Variants in ATP8A1 observed in about 807,000 individuals in gnomAD.
The protein encoded by ATP8A1 is phospholipid-transporting ATPase IA.
ATP8A1 carries 90 observed loss-of-function variants against 177.7 expected under a neutral mutation model. The ratio of observed to expected loss-of-function variants is 0.51; its 90% CI spans 0.43 to 0.60. The LOEUF (loss-of-function observed/expected upper bound fraction) is 0.60, where lower values mean the gene tolerates loss of function less well. Among genes scored for constraint, ATP8A1 ranks in the 20% least tolerant of loss-of-function variants. ATP8A1 has a pLI of 0.00. For missense variants in ATP8A1, 1,072 were observed against 1,392.8 expected (o/e 0.77, Z 3.67); for synonymous variants, 493 against 485.9 (o/e 1.01, Z -0.19).
intron 5 of ATP8A1, among the ~76,000 whole-genome samples, chr4:42,601,494 ATGT>A (rs1735270414): frequency 6.6e-6 from 1 of 151,452 alleles, no homozygotes; most frequent in African/African-American, 2.4e-5. Context: ...TTTTCCTGTG[ATGT>A]TGTCTGTGCT....
intron 33 of ATP8A1, among the ~76,000 whole-genome samples, chr4:42,428,974 TA>T (rs1714944330): frequency 6.6e-6 from 1 of 152,180 alleles, no homozygotes; most frequent in Non-Finnish European, 1.5e-5. Flanking sequence ...CTTGTTAGAC[TA>T]TATACTCTCT....
At chr4:42,425,774 G>A (rs960242182) in intron 33 of ATP8A1, among the ~76,000 whole-genome samples, 1 of 152,284 alleles carries the variant, frequency 6.6e-6, no homozygotes, top group East Asian at 1.9e-4. Context: ...GGTTCCCTCC[G>A]AGAGCGGTTT....
At chr4:42,546,851 T>A (rs939156809) in intron 19 of ATP8A1, among the ~76,000 whole-genome samples, 17 of 152,232 alleles carry the variant, frequency 1.1e-4, no homozygotes, top group African/African-American at 3.6e-4. Context: ...CTCTGTGCTA[T>A]GACCCTCTCT....
intron 5 of ATP8A1, among the ~76,000 whole-genome samples, chr4:42,612,434 C>T (rs1736461442): frequency 6.9e-6 from 1 of 144,604 alleles, no homozygotes; most frequent in Admixed American, 7.1e-5. Flanking sequence ...TATGCACAAA[C>T]CATCACACAA....
Position 42,412,977 on chromosome 4 carries a change from A to G in ATP8A1, c.3434T>C (p.Val1145Ala). ...YAFSQDENGI[V>A]SQSEVIRAYD... ...TGCTCTTATCACTTCAGACTGTGAAACGATTCCATTTTCATCTTGAGAGAA... is the reference window on the plus strand; with the variant it reads ...TGCTCTTATCACTTCAGACTGTGAAGCGATTCCATTTTCATCTTGAGAGAA... The change falls in exon 37 of 37, where the codon GTT (valine) becomes GCT (alanine). Residue 1145 changes from valine (V) to alanine (A), a missense_variant. Transcript: ENST00000381668. 1 of 1,613,524 alleles carries G rather than the reference A, an allele frequency of 6.2e-7. No individual in the cohort carries two copies. The highest frequency in any genetic ancestry group is 8.5e-7 in the Non-Finnish European group (1 of 1,179,628).
chr4:42,497,756 G>C (rs923576341), intron 24 of ATP8A1, among the ~76,000 whole-genome samples: 4 of 152,162 alleles, frequency 2.6e-5, no homozygotes, highest in African/African-American at 7.2e-5. Flanking sequence ...CCAGGAAAAG[G>C]AGAACAGATT....
Position 42,649,706 on chromosome 4 carries a change from C to T in ATP8A1, c.49+7119G>A, listed in dbSNP as rs908425983. ...ACTCTAGGTGTAGAGGGTACAGCAG[C>T]GAACAAATCTCACAAAAACGCTCCT... On this transcript the variant is annotated intron_variant, in intron 1 of 36. Coordinates refer to ENST00000381668, the MANE Select transcript of ATP8A1 (RefSeq NM_006095.2). Among the ~76,000 whole-genome samples, 22 of 152,050 alleles carry T rather than the reference C, an allele frequency of 1.4e-4. No individual in the cohort carries two copies. The East Asian group carries it at 1.9e-3, about 13-fold the overall frequency.
intron 20 of ATP8A1, among the ~76,000 whole-genome samples, chr4:42,530,470 A>G (rs1314749457): frequency 6.6e-6 from 1 of 152,250 alleles, no homozygotes; most frequent in Non-Finnish European, 1.5e-5. Flanking sequence ...TCTTCCACAC[A>G]GTACTGCCTC....
At chr4:42,618,388 T>G (rs776900010) in intron 4 of ATP8A1, among the ~76,000 whole-genome samples, 2 of 152,220 alleles carry the variant, frequency 1.3e-5, no homozygotes, top group Non-Finnish European at 2.9e-5. Flanking sequence ...CAGTCAAAAC[T>G]CTCATCTGAG....
At chr4:42,552,807 C>T (rs41265691) in intron 16 of ATP8A1, among the ~76,000 whole-genome samples, 197 bp from the exon 17 acceptor site, 10,176 of 152,206 alleles carry the variant, frequency 0.067, 468 homozygotes, top group African/African-American at 0.13. Flanking sequence ...GGTGAAACCC[C>T]GTCTCTACTG....
intron 8 of ATP8A1, 98 bp downstream of exon 8, chr4:42,588,162 A>G: frequency 1.0e-6 from 1 of 966,382 alleles, no homozygotes; most frequent in Non-Finnish European, 1.6e-6. Flanking sequence ...TATTTGCAAT[A>G]GGACAGATTA....
At position 42,450,783 on chromosome 4, in the gene ATP8A1, T is replaced by C. The variant is rs1717854771; in HGVS notation, c.2896+1198A>G. ...ACAAGCTACGCACTGTTCTAAGCAC[T>C]GTGAATGCAACGAAACTACTAATTA... On this transcript the variant is annotated intron_variant, in intron 30 of 36. Transcript: ENST00000381668. Among the ~76,000 whole-genome samples, 3 of 152,250 alleles carry C rather than the reference T, an allele frequency of 2.0e-5. No homozygotes were observed. In the East Asian group the frequency reaches 5.8e-4, roughly 29 times the overall value.
chr4:42,423,375 A>G (rs896500736), intron 34 of ATP8A1, among the ~76,000 whole-genome samples: 1 of 152,164 alleles, frequency 6.6e-6, no homozygotes, highest in African/African-American at 2.4e-5. Flanking sequence ...ATACTCCCCG[A>G]TGTAATTTTC....
At chr4:42,619,297 G>A (rs1737223134) in intron 4 of ATP8A1, among the ~76,000 whole-genome samples, 1 of 152,068 alleles carries the variant, frequency 6.6e-6, no homozygotes, top group Non-Finnish European at 1.5e-5. Flanking sequence ...TATAACGAAT[G>A]GAGTCTCCTA....
rs138846131 is a variant in ATP8A1 at position 42,602,903 on chromosome 4, T to C, written c.410-2385A>G. Among the ~76,000 whole-genome samples, 375 of 152,226 alleles carry C rather than the reference T, an allele frequency of 2.5e-3. 1 individual carries two copies. Among genetic ancestry groups the C allele is most frequent in the African/African-American group, 8.6e-3 (357 of 41,564 alleles). On this transcript the variant is annotated intron_variant, in intron 5 of 36. Transcript: ENST00000381668. The stretch of plus-strand genomic sequence containing the variant: ...GAGAGATGGTAAAGTCCTGTTCAAA[T>C]CAACTACACCCAAGATCAACTGACA...
intron 15 of ATP8A1, among the ~76,000 whole-genome samples, chr4:42,564,572 C>T (rs554765590): frequency 5.9e-5 from 9 of 152,290 alleles, no homozygotes; most frequent in Non-Finnish European, 1.2e-4. Context: ...GGGCCTGTAG[C>T]TCCTTTGTTT....
chr4:42,454,967 T>TCA (rs1027701588), intron 29 of ATP8A1, among the ~76,000 whole-genome samples: 13 of 152,298 alleles, frequency 8.5e-5, no homozygotes, highest in African/African-American at 3.1e-4. Context: ...AGTGAGCATG[T>TCA]CACCACAACA....
chr4:42,441,380 T>C (rs1318650718), intron 33 of ATP8A1, among the ~76,000 whole-genome samples: 1 of 152,086 alleles, frequency 6.6e-6, no homozygotes, highest in East Asian at 1.9e-4. Flanking sequence ...GGCTATATTC[T>C]TGATTGAGAT....
chr4:42,538,161 G>C (rs1728030755), intron 20 of ATP8A1, among the ~76,000 whole-genome samples: 1 of 152,114 alleles, frequency 6.6e-6, no homozygotes, highest in Non-Finnish European at 1.5e-5. Flanking sequence ...AAAACATAAA[G>C]TGGGGAAAGG....
Sources: gnomAD v4.1 joint callset for allele counts (sites outside exome capture counted in the v4.1 genomes callset) on GRCh38, gnomAD v4.1.1 for gene constraint, MANE v1.5 for transcripts, NCBI Gene and HGNC (gene_info 2026-07-23, HGNC 2026-07-21) for gene names.